The following RBFOX1 variants were observed in gnomAD, a reference collection of about 807,000 sequenced individuals.
RBFOX1 encodes the protein RNA binding fox-1 homolog 1.
In RBFOX1, 8 loss-of-function variants were observed where a neutral mutation model predicts 57.7. The observed-to-expected ratio is 0.14, with a 90% confidence interval of 0.08 to 0.25. The LOEUF (loss-of-function observed/expected upper bound fraction) is 0.25, where lower values mean the gene tolerates loss of function less well. Among genes scored for constraint, RBFOX1 ranks in the 10% least tolerant of loss-of-function variants. The pLI is 1.00. For missense variants in RBFOX1, 611 were observed against 548.5 expected, an observed-to-expected ratio of 1.11 and a Z score of -1.14; for synonymous variants, 326 against 222.4, an observed-to-expected ratio of 1.47 and a Z score of -4.15.
At chr16:7,531,916 A>C (rs899015550) in intron 5 of RBFOX1, among the ~76,000 whole-genome samples, 1 of 152,072 alleles carries the variant, frequency 6.6e-6, no homozygotes, top group Non-Finnish European at 1.5e-5. Context: ...CCCCTTCCCC[A>C]GTGGCATCCA....
At chr16:7,452,474 T>C (rs1428458072) in intron 4 of RBFOX1, among the ~76,000 whole-genome samples, 3 of 152,202 alleles carry the variant, frequency 2.0e-5, no homozygotes, top group Non-Finnish European at 4.4e-5. Flanking sequence ...ATGCTTGTCT[T>C]TCCCATTACA....
intron 4 of RBFOX1, among the ~76,000 whole-genome samples, chr16:5,876,726 T>C (rs951553503): frequency 1.3e-5 from 2 of 152,174 alleles, no homozygotes; most frequent in Admixed American, 1.3e-4. Flanking sequence ...CTTCTGACTG[T>C]TTAAGATCAA....
At chr16:6,050,177 T>A (rs1233625730) in intron 1 of RBFOX1, among the ~76,000 whole-genome samples, 2 of 152,036 alleles carry the variant, frequency 1.3e-5, no homozygotes, top group Non-Finnish European at 2.9e-5. Flanking sequence ...CCAGGCTGGT[T>A]TCAAACTCCT....
At chr16:7,205,048 C>G (rs1002930366) in intron 4 of RBFOX1, among the ~76,000 whole-genome samples, 1 of 152,112 alleles carries the variant, frequency 6.6e-6, no homozygotes, top group Non-Finnish European at 1.5e-5. Flanking sequence ...TGATGCCACT[C>G]CTCTATGAGA....
chr16:5,301,543 C>T (rs2063804029), intron 1 of RBFOX1, among the ~76,000 whole-genome samples: 1 of 144,546 alleles, frequency 6.9e-6, no homozygotes, highest in African/African-American at 2.5e-5. Flanking sequence ...GGCGTGAACC[C>T]AGGAGGCAGA....
rs527356481 is a variant in RBFOX1, at chr16:7,706,018, T to A, written c.996-3038T>A. On this transcript the variant is annotated intron_variant, in intron 14 of 15. Coordinates refer to ENST00000550418, the MANE Select transcript of RBFOX1 (RefSeq NM_018723.4). ...CCGTAAGACCTCTTCCCATCATTCC[T>A]GTGGACATCCTGGGTATTGCTGTGC... is the stretch of plus-strand genomic sequence containing the variant. Among the ~76,000 whole-genome samples the A allele has an allele frequency of 2.0e-5, 3 of 152,302 alleles. No individual in the cohort carries two copies. In the East Asian group the frequency reaches 5.8e-4, roughly 29 times the overall value.
At chr16:5,467,055 G>A (rs558112120) in intron 1 of RBFOX1, among the ~76,000 whole-genome samples, 13 of 152,134 alleles carry the variant, frequency 8.5e-5, no homozygotes, top group Non-Finnish European at 1.8e-4. Flanking sequence ...CTACAACAGA[G>A]CCTGACACAT....
At chr16:7,618,998 G>C (rs4787050) in intron 10 of RBFOX1, among the ~76,000 whole-genome samples, 3 of 152,030 alleles carry the variant, frequency 2.0e-5, no homozygotes, top group African/African-American at 7.3e-5. Flanking sequence ...CGTATGCTAC[G>C]TTCTAATGAG....
intron 2 of RBFOX1, among the ~76,000 whole-genome samples, chr16:6,558,878 G>A (rs770914247): frequency 1.9e-4 from 28 of 148,810 alleles, no homozygotes; most frequent in Non-Finnish European, 4.1e-4. Context: ...GTGGGACGTT[G>A]TGAGCATTCT....
intron 3 of RBFOX1, among the ~76,000 whole-genome samples, chr16:5,769,657 A>G (rs2053910905): frequency 6.6e-6 from 1 of 152,042 alleles, no homozygotes; most frequent in African/African-American, 2.4e-5. Context: ...CCTCTCAAAA[A>G]AGGAGGAGAA....
chr16:5,561,348 G>A (rs1000798690), intron 2 of RBFOX1, among the ~76,000 whole-genome samples: 4 of 151,976 alleles, frequency 2.6e-5, no homozygotes, highest in African/African-American at 9.7e-5. Flanking sequence ...AGCAAACTTG[G>A]CTAAAAAGGG....
chr16:7,412,950 G>C (rs1176435550), intron 4 of RBFOX1, among the ~76,000 whole-genome samples: 1 of 152,206 alleles, frequency 6.6e-6, no homozygotes, highest in Admixed American at 6.5e-5. Context: ...GCTGAGGCAG[G>C]AGAATGGCGT....
intron 2 of RBFOX1, among the ~76,000 whole-genome samples, chr16:6,329,732 A>G (rs111476038): frequency 0.016 from 2,413 of 152,262 alleles, 55 homozygotes; most frequent in African/African-American, 0.055. Flanking sequence ...AGGAGTTCAA[A>G]ACCAGCCAAG....
At chr16:7,704,237 A>G (rs1457969778) in intron 14 of RBFOX1, among the ~76,000 whole-genome samples, 1 of 152,214 alleles carries the variant, frequency 6.6e-6, no homozygotes, top group Admixed American at 6.5e-5. Context: ...AAAGGTCAAA[A>G]AGATGAGGTC....
At chr16:7,134,898 G>A (rs1186297622) in intron 4 of RBFOX1, among the ~76,000 whole-genome samples, 1 of 151,376 alleles carries the variant, frequency 6.6e-6, no homozygotes, top group South Asian at 2.1e-4. Context: ...GCATTCTTTG[G>A]CTTTATGGTG....
chr16:7,118,862 G>A (rs986222475), intron 4 of RBFOX1, among the ~76,000 whole-genome samples: 1 of 152,132 alleles, frequency 6.6e-6, no homozygotes, highest in East Asian at 1.9e-4. Flanking sequence ...ATACCAAATA[G>A]AGCACATAGA....
chr16:6,916,001 C>G (rs557119594), intron 3 of RBFOX1, among the ~76,000 whole-genome samples: 5 of 142,084 alleles, frequency 3.5e-5, no homozygotes, highest in Admixed American at 7.0e-5. Flanking sequence ...AGCTGTTTTA[C>G]TGGGAAAACT....
intron 2 of RBFOX1, among the ~76,000 whole-genome samples, chr16:6,615,958 C>T (rs934796089): frequency 1.3e-5 from 2 of 152,144 alleles, no homozygotes; most frequent in African/African-American, 2.4e-5. Context: ...TGGTACCGGT[C>T]CCTTGACGTT....
At chr16:5,956,016 C>G (rs528737039) in intron 4 of RBFOX1, among the ~76,000 whole-genome samples, 2 of 152,224 alleles carry the variant, frequency 1.3e-5, no homozygotes, top group Non-Finnish European at 2.9e-5. Context: ...AATCCCAGTA[C>G]TTTGGGAGCC....
Sources: allele counts gnomAD v4.1 joint callset (sites outside exome capture counted in the v4.1 genomes callset), GRCh38; gene constraint gnomAD v4.1.1; transcripts MANE v1.5; gene names NCBI Gene and HGNC (gene_info 2026-07-23, HGNC 2026-07-21).